The following STAB2 variants were observed in gnomAD, a reference collection of about 807,000 sequenced individuals.
STAB2 encodes the protein stabilin 2.
A neutral mutation model predicts 338.1 loss-of-function variants in STAB2; 288 were observed. The ratio of observed to expected loss-of-function variants is 0.85; its 90% CI spans 0.77 to 0.94. STAB2 has a LOEUF of 0.94. Ranked by LOEUF, STAB2 falls within the 40% of genes least tolerant of loss-of-function variation. The pLI, the probability that STAB2 is intolerant of heterozygous loss-of-function variation, is 0.00. For synonymous variants in STAB2, 1,202 were observed against 1,193.3 expected (o/e 1.01, Z -0.15); for missense variants, 3,141 against 3,210.1 (o/e 0.98, Z 0.52).
chr12:103,673,976 G>T lies in STAB2; in HGVS notation c.2441G>T (p.Cys814Phe), dbSNP rs1312894586. Residue 814 changes from cysteine (C) to phenylalanine (F), a missense_variant, in exon 23 of 69, where the codon TGC becomes TTC. By Grantham distance (205) the Cys-to-Phe change is radical. Transcript: ENST00000388887. The part of the protein sequence containing the change: ...DSDGACLTGT[C>F]RDGSAGRLCD... ...GATGGGGCCTGCCTCACTGGCACAT[G>T]CAGAGACGGCTCTGCCGGGAGACTC... The T allele has an allele frequency of 1.9e-6, 3 of 1,614,092 alleles. No homozygotes were observed. In the East Asian group the frequency reaches 6.7e-5, roughly 36 times the overall value.
chr12:103,708,108 C>G (rs552187161), intron 38 of STAB2, among the ~76,000 whole-genome samples: 2 of 152,276 alleles, frequency 1.3e-5, no homozygotes, highest in East Asian at 3.9e-4. Context: ...AAACGTGGTT[C>G]CAATCAAAGG....
At chr12:103,612,294 C>T (rs961785019) in intron 3 of STAB2, among the ~76,000 whole-genome samples, 27 of 152,192 alleles carry the variant, frequency 1.8e-4, no homozygotes, top group African/African-American at 6.5e-4. Flanking sequence ...CAACTTAGTT[C>T]CATTCTCCCC....
intron 3 of STAB2, among the ~76,000 whole-genome samples, chr12:103,601,299 A>G (rs1956950853): frequency 6.6e-6 from 1 of 152,210 alleles, no homozygotes; most frequent in Non-Finnish European, 1.5e-5. Flanking sequence ...GAGTCAAGAA[A>G]CCTTTAAAGG....
Position 103,735,591 on chromosome 12 carries a change from T to C in STAB2, c.5550+11T>C, listed in dbSNP as rs745543697. ...GCTGGCAGGGACATCGTGAGTATCA[T>C]CATGAAGGGTGGGCAGGGAGGGGTT... is the stretch of plus-strand genomic sequence containing the variant. On this transcript the variant is annotated intron_variant, in intron 52 of 68. Coordinates refer to ENST00000388887, the MANE Select transcript of STAB2 (RefSeq NM_017564.10). 3 of 821,718 alleles carry C rather than the reference T, an allele frequency of 3.7e-6. No homozygotes were observed. The highest frequency in any genetic ancestry group is 2.0e-5 in the Admixed American group (1 of 49,566). The allele number at this position is 821,718 out of a possible 1,614,324, so 50.9% of individuals were successfully genotyped here. A position where few individuals can be genotyped will look rare whatever the true frequency, so the allele number is the denominator to read the frequency against.
intron 3 of STAB2, among the ~76,000 whole-genome samples, chr12:103,606,494 T>A (rs1957029390): frequency 6.6e-6 from 1 of 152,250 alleles, no homozygotes. Context: ...TTTTTCTTCC[T>A]GACCAATTTT....
chr12:103,705,800 A>C (rs938782921), intron 37 of STAB2, 73 bp downstream of exon 37: 16 of 1,430,412 alleles, frequency 1.1e-5, no homozygotes, highest in Admixed American at 1.7e-5. Context: ...TATCCTTTTC[A>C]AAATCCCTGT....
Position 103,725,029 on chromosome 12 carries a change from A to C in STAB2, c.4738A>C (p.Arg1580=). ...CTGCAACCACACTGGGCAAGTAGAA[A>C]GGACTTGTACTTGCAAGCCAAACTA... The part of the protein sequence containing the change: ...AICNHTGQVE[R]TCTCKPNYIG... Residue 1580 remains arginine (R), a synonymous_variant, in exon 45 of 69, where the codon AGG becomes CGG. Transcript: ENST00000388887. 2 of 1,614,124 alleles carry C rather than the reference A, an allele frequency of 1.2e-6. No homozygotes were observed. Among genetic ancestry groups the C allele is most frequent in the Non-Finnish European group, 1.7e-6 (2 of 1,179,962 alleles).
intron 37 of STAB2, among the ~76,000 whole-genome samples, chr12:103,706,168 G>A (rs923093291): frequency 6.6e-6 from 1 of 152,188 alleles, no homozygotes; most frequent in Admixed American, 6.5e-5. Flanking sequence ...TTCCTGTGCT[G>A]CTCCTTTCCC....
rs1424541802 is a variant in STAB2, at chr12:103,699,223, A to G, written c.3710A>G (p.Asp1237Gly). 6.2e-7 allele frequency: 1 copy of G among 1,611,466 alleles called. No individual in the cohort carries two copies. Residue 1237 changes from aspartate to glycine, a missense_variant, in exon 34 of 69, where the codon GAC becomes GGC. By Grantham distance (94) the Asp-to-Gly change is moderately conservative. Coordinates refer to ENST00000388887, the MANE Select transcript of STAB2 (RefSeq NM_017564.10). ...SYFLSFFLHN[D>G]QLYVNEAPIN... The stretch of plus-strand genomic sequence containing the variant: ...TTCCTTAGCTTCTTTCTCCATAATG[A>G]CCAGGTACGATCCTTTTATGTAAAA...
At chr12:103,748,076 T>A (rs1045671081) in intron 58 of STAB2, among the ~76,000 whole-genome samples, 8 of 151,690 alleles carry the variant, frequency 5.3e-5, no homozygotes, top group African/African-American at 1.9e-4. Context: ...CTCAGCCACA[T>A]GTACTTTCTA....
chr12:103,590,800 G>T, intron 1 of STAB2, 97 bp from the exon 2 acceptor site: 2 of 1,452,522 alleles, frequency 1.4e-6, no homozygotes, highest in Middle Eastern at 2.2e-4. Flanking sequence ...CCATTGAGAT[G>T]ATTGGAGACA....
intron 68 of STAB2, chr12:103,765,898 T>TG (rs1446087364): frequency 5.6e-6 from 2 of 356,116 alleles, no homozygotes; most frequent in Non-Finnish European, 1.1e-5. Flanking sequence ...TGGTTCAAGA[T>TG]GAATTTTCAA....
chr12:103,641,571 C>A (rs995126138), intron 9 of STAB2, among the ~76,000 whole-genome samples: 1 of 152,182 alleles, frequency 6.6e-6, no homozygotes, highest in Non-Finnish European at 1.5e-5. Flanking sequence ...GGCACACCCT[C>A]CCCTCAAACA....
intron 33 of STAB2, among the ~76,000 whole-genome samples, chr12:103,697,779 A>C (rs991007444): frequency 6.6e-6 from 1 of 152,244 alleles, no homozygotes; most frequent in African/African-American, 2.4e-5. Flanking sequence ...TCACAATGGT[A>C]GCAATCACAG....
intron 3 of STAB2, among the ~76,000 whole-genome samples, chr12:103,617,625 C>T (rs568924661): frequency 2.0e-5 from 3 of 152,344 alleles, no homozygotes; most frequent in South Asian, 4.1e-4. Flanking sequence ...ACAATCGCAT[C>T]GCATTTCATG....
At chr12:103,683,638 T>C (rs1462946213) in intron 26 of STAB2, among the ~76,000 whole-genome samples, 3 of 152,234 alleles carry the variant, frequency 2.0e-5, no homozygotes, top group Non-Finnish European at 4.4e-5. Flanking sequence ...TAACAAGTCA[T>C]TCAATATTTT....
At chr12:103,700,267 T>G (rs1174453776) in intron 34 of STAB2, among the ~76,000 whole-genome samples, 1 of 152,208 alleles carries the variant, frequency 6.6e-6, no homozygotes, top group Non-Finnish European at 1.5e-5. Context: ...TTAATGTAAA[T>G]TATCACAAGA....
intron 53 of STAB2, among the ~76,000 whole-genome samples, chr12:103,739,023 T>TG (rs148001003): frequency 0.019 from 2,902 of 152,254 alleles, 31 homozygotes; most frequent in South Asian, 0.04. Context: ...TCATCCAGGC[T>TG]GGGGTTCAGT....
intron 1 of STAB2, among the ~76,000 whole-genome samples, chr12:103,590,229 T>C (rs1956775261): frequency 6.6e-6 from 1 of 152,224 alleles, no homozygotes; most frequent in South Asian, 2.1e-4. Flanking sequence ...CTAGCACATC[T>C]GATTTCCCCA....
Sources: allele counts gnomAD v4.1 joint callset (sites outside exome capture counted in the v4.1 genomes callset), GRCh38; gene constraint gnomAD v4.1.1; transcripts MANE v1.5; gene names NCBI Gene and HGNC (gene_info 2026-07-23, HGNC 2026-07-21).